The following SDC3 variants were observed in gnomAD, a reference collection of about 807,000 sequenced individuals.
SDC3 encodes syndecan 3.
Under a neutral mutation model 24.4 loss-of-function variants are expected in SDC3, and 13 were observed. That is an observed-to-expected ratio of 0.53 (90% CI 0.35 to 0.85). The LOEUF is 0.85. SDC3 is among the 40% of genes least tolerant of loss of function. SDC3 has a pLI of 0.01. For synonymous variants in SDC3, 295 were observed against 260.9 expected, an observed-to-expected ratio of 1.13 and a Z score of -1.26; for missense variants, 571 against 584.5, an observed-to-expected ratio of 0.98 and a Z score of 0.24.
In SDC3 at chr1:30,908,455, G is replaced by C; in HGVS notation, c.132C>G (p.Ala44=). 1 of 1,039,536 alleles carries C rather than the reference G, an allele frequency of 9.6e-7. No individual in the cohort carries two copies. Among genetic ancestry groups the C allele is most frequent in the Non-Finnish European group, 1.2e-6 (1 of 861,044 alleles). The allele number at this position is 1,039,536 out of a possible 1,614,324, so 64.4% of individuals were successfully genotyped here. A position where few individuals can be genotyped will look rare whatever the true frequency, so the allele number is the denominator to read the frequency against. ...PLLLLLLAGR[A]AGAQRWRSEN... ...CCGGGCGCGTGTCACTCACCCCCGC[G>C]GCGCGCCCCGCCAGCAGCAGCAGCA... Residue 44 remains alanine, a synonymous_variant, in exon 1 of 5, where the codon GCC becomes GCG. Coordinates refer to ENST00000339394, the MANE Select transcript of SDC3 (RefSeq NM_014654.4).
intron 1 of SDC3, among the ~76,000 whole-genome samples, chr1:30,883,953 C>T (rs986670270): frequency 2.6e-5 from 4 of 152,180 alleles, no homozygotes; most frequent in East Asian, 1.9e-4. Flanking sequence ...GTGCCCCTCA[C>T]GCTCACCAGA....
chr1:30,907,229 C>T (rs1421454008), intron 1 of SDC3, among the ~76,000 whole-genome samples: 1 of 152,158 alleles, frequency 6.6e-6, no homozygotes, highest in Admixed American at 6.5e-5. Context: ...CCTAGAAATC[C>T]CCAGCCCGCC....
intron 1 of SDC3, among the ~76,000 whole-genome samples, chr1:30,881,918 C>G (rs1639750820): frequency 6.6e-6 from 1 of 152,204 alleles, no homozygotes; most frequent in Admixed American, 6.5e-5. Flanking sequence ...CTGTGCCCCG[C>G]AGCTGCCCTC....
At chr1:30,885,870 T>C (rs1217062996) in intron 1 of SDC3, among the ~76,000 whole-genome samples, 3 of 152,192 alleles carry the variant, frequency 2.0e-5, no homozygotes, top group Non-Finnish European at 4.4e-5. Context: ...CTCTGTCCCC[T>C]GTGCCTAGAC....
At chr1:30,898,913 G>T (rs920740964) in intron 1 of SDC3, among the ~76,000 whole-genome samples, 1 of 152,116 alleles carries the variant, frequency 6.6e-6, no homozygotes, top group African/African-American at 2.4e-5. Context: ...CAACCACCTT[G>T]GGGAATGTAT....
chr1:30,884,568 T>TC (rs1553138283), intron 1 of SDC3, among the ~76,000 whole-genome samples: 2 of 151,788 alleles, frequency 1.3e-5, no homozygotes, highest in Non-Finnish European at 2.9e-5. Flanking sequence ...ATGCCCTTTT[T>TC]CCCACTGTGG....
chr1:30,898,359 C>G (rs955136953), intron 1 of SDC3, among the ~76,000 whole-genome samples: 2 of 152,162 alleles, frequency 1.3e-5, no homozygotes, highest in South Asian at 4.1e-4. Context: ...TCTTCAGGGT[C>G]TAAATCAACC....
chr1:30,902,243 T>C (rs1361343959), intron 1 of SDC3, among the ~76,000 whole-genome samples: 1 of 152,208 alleles, frequency 6.6e-6, no homozygotes, highest in Non-Finnish European at 1.5e-5. Flanking sequence ...AGATCATTTG[T>C]TGGGGCCACC....
intron 1 of SDC3, among the ~76,000 whole-genome samples, chr1:30,895,265 C>T (rs905172055): frequency 1.6e-4 from 24 of 152,200 alleles, no homozygotes; most frequent in African/African-American, 5.3e-4. Flanking sequence ...CCCAAACTAA[C>T]GTCCTAAACA....
rs1304694254 is a variant in SDC3 at position 30,871,190 on chromosome 1, C to G, written c.*2021G>C. On this transcript the variant is annotated 3_prime_UTR_variant, in exon 5 of 5. Transcript: ENST00000339394. Reference sequence around the variant, plus strand: ...TGTGGGACAGCCCCTGGAACCTCCCCCTCACTGCCTACACACCGCTACCCC... The same window carrying G: ...TGTGGGACAGCCCCTGGAACCTCCCGCTCACTGCCTACACACCGCTACCCC... The G allele has an allele frequency of 6.6e-6, 1 of 152,288 alleles. No individual in the cohort carries two copies. Among genetic ancestry groups the G allele is most frequent in the Non-Finnish European group, 1.5e-5 (1 of 68,106 alleles). The allele number at this position is 152,288 out of a possible 1,614,324, so 9.4% of individuals were successfully genotyped here. A position where few individuals can be genotyped will look rare whatever the true frequency, so the allele number is the denominator to read the frequency against.
At position 30,873,460 on chromosome 1, in the gene SDC3, G is replaced by A. The variant is rs965983040; in HGVS notation, c.1163-83C>T. On this transcript the variant is annotated intron_variant, in intron 4 of 4. Coordinates refer to ENST00000339394, the MANE Select transcript of SDC3 (RefSeq NM_014654.4). ...GGTCCTCAGGGGTGGGGGCCAGGGT[G>A]AGGAGAGGGCTGGGAGTCCCAGATC... 38 of 977,456 alleles carry A rather than the reference G, an allele frequency of 3.9e-5. 1 individual carries two copies. Among genetic ancestry groups the A allele is most frequent in the African/African-American group, 1.3e-4 (8 of 62,292 alleles). The allele number at this position is 977,456 out of a possible 1,614,324, so 60.5% of individuals were successfully genotyped here.
chr1:30,894,649 G>GGCTAC (rs1639973324), intron 1 of SDC3, among the ~76,000 whole-genome samples: 1 of 27,714 alleles, frequency 3.6e-5, no homozygotes, highest in Non-Finnish European at 6.5e-5. Context: ...GTGTGTGTGG[G>GGCTAC]GTGTGTGTGG....
At chr1:30,878,434 C>A in intron 2 of SDC3, 189 bp downstream of exon 2, 1 of 562,838 alleles carries the variant, frequency 1.8e-6, no homozygotes, top group East Asian at 2.9e-5. Context: ...CCTCCCAGGT[C>A]TTGTTCTATC....
At position 30,870,616 on chromosome 1, in the gene SDC3, C is replaced by CT. The variant is rs1639516862; in HGVS notation, c.*2594dup. The CT allele has an allele frequency of 6.6e-6, 1 of 152,324 alleles. No homozygotes were observed. Among genetic ancestry groups the CT allele is most frequent in the African/African-American group, 2.4e-5 (1 of 41,462 alleles). 9.4% of individuals were successfully genotyped at this position (152,324 alleles called of 1,614,324 possible). On this transcript the variant is annotated 3_prime_UTR_variant, in exon 5 of 5. Transcript: ENST00000339394. The stretch of plus-strand genomic sequence containing the variant: ...AGGAGGATAAAGCCTGGACATCTGC[C>CT]TTGGGTCCAGGGATCCATGAACAAG...
rs1299929478 is a variant in SDC3, at chr1:30,872,583, T to C, written c.*628A>G. ...CTGCCCCAGCACCCTCAGGAAGCTG[T>C]TTCTTGGGGGAAGATGCAGAAAGAA... is the stretch of plus-strand genomic sequence containing the variant. On this transcript the variant is annotated 3_prime_UTR_variant, in exon 5 of 5. Transcript: ENST00000339394. 6.5e-6 allele frequency: 1 copy of C among 152,722 alleles called. No individual in the cohort carries two copies. The highest frequency in any genetic ancestry group is 1.5e-5 in the Non-Finnish European group (1 of 68,528). The allele number at this position is 152,722 out of a possible 1,614,324, so 9.5% of individuals were successfully genotyped here.
chr1:30,897,905 C>T (rs1638315586), intron 1 of SDC3, among the ~76,000 whole-genome samples: 2 of 152,166 alleles, frequency 1.3e-5, no homozygotes, highest in South Asian at 4.1e-4. Flanking sequence ...ATGGGCAGAA[C>T]TCAATATGTC....
intron 1 of SDC3, among the ~76,000 whole-genome samples, chr1:30,904,417 C>T (rs908221476): frequency 1.3e-5 from 2 of 152,106 alleles, no homozygotes; most frequent in African/African-American, 4.8e-5. Flanking sequence ...CCCGGACCCC[C>T]CAGGGACCCT....
At chr1:30,881,972 T>C (rs1380644070) in intron 1 of SDC3, among the ~76,000 whole-genome samples, 1 of 151,972 alleles carries the variant, frequency 6.6e-6, no homozygotes, top group Admixed American at 6.6e-5. Context: ...CAGCTGTCCA[T>C]GCCCACCCAA....
rs1453470701 is a variant in SDC3 at position 30,873,355 on chromosome 1, C to T, written c.1185G>A (p.Val395=). Residue 395 remains valine (V), a synonymous_variant, in exon 5 of 5, where the codon GTG becomes GTA. Transcript: ENST00000339394. ...VLVAVIVGGV[V]GALFAAFLVT... Reference sequence around the variant, plus strand: ...CCAAGAAGGCAGCAAAGAGGGCGCCCACCACCCCGCCCACAATCACAGCTG... The same window carrying T: ...CCAAGAAGGCAGCAAAGAGGGCGCCTACCACCCCGCCCACAATCACAGCTG... The T allele has an allele frequency of 4.3e-6, 7 of 1,613,760 alleles. No individual in the cohort carries two copies. The highest frequency in any genetic ancestry group is 5.1e-6 in the Non-Finnish European group (6 of 1,179,740).
Sources: allele counts gnomAD v4.1 joint callset (sites outside exome capture counted in the v4.1 genomes callset), GRCh38; gene constraint gnomAD v4.1.1; transcripts MANE v1.5; gene names NCBI Gene and HGNC (gene_info 2026-07-23, HGNC 2026-07-21).